The following GALNT16 variants were observed in gnomAD, a reference collection of about 807,000 sequenced individuals.
GALNT16 encodes UDP-GalNAc:polypeptide N-acetylgalactosaminyltransferase-like protein 1.
Under a neutral mutation model 76.1 loss-of-function variants are expected in GALNT16, and 40 were observed. The ratio of observed to expected loss-of-function variants is 0.53; its 90% confidence interval spans 0.41 to 0.68. The LOEUF is 0.68. Ranked by LOEUF, GALNT16 falls within the 30% of genes least tolerant of loss-of-function variation. The pLI is 0.00. For synonymous variants in GALNT16, 276 were observed against 285.2 expected (o/e 0.97, Z 0.32); for missense variants, 621 against 731.9 (o/e 0.85, Z 1.75).
chr14:69,319,948 A>G (rs1857993769), intron 1 of GALNT16, among the ~76,000 whole-genome samples: 1 of 152,204 alleles, frequency 6.6e-6, no homozygotes, highest in Non-Finnish European at 1.5e-5. Flanking sequence ...CGGGTGCCTC[A>G]TATAATGCCT....
intron 1 of GALNT16, among the ~76,000 whole-genome samples, chr14:69,276,051 G>C (rs542255715): frequency 3.9e-4 from 60 of 152,286 alleles, no homozygotes; most frequent in African/African-American, 1.4e-3. Flanking sequence ...ATCAGATCTC[G>C]TGAGACTTAT....
At chr14:69,295,283 C>T (rs953208560) in intron 1 of GALNT16, among the ~76,000 whole-genome samples, 6 of 151,456 alleles carry the variant, frequency 4.0e-5, no homozygotes, top group Admixed American at 2.6e-4. Flanking sequence ...GGTGTGGTGG[C>T]GCATGCCTAT....
At chr14:69,347,778 T>C (rs1444633785) in intron 13 of GALNT16, 99 bp from the exon 14 acceptor site, 1 of 1,276,476 alleles carries the variant, frequency 7.8e-7, no homozygotes, top group East Asian at 2.3e-5. Context: ...GTAGAAATCT[T>C]ACAAAAATAT....
the GALNT16 span, among the ~76,000 whole-genome samples, chr14:69,374,272 T>A: frequency 6.6e-6 from 1 of 152,172 alleles, no homozygotes; most frequent in Non-Finnish European, 1.5e-5. Flanking sequence ...TACTTATGAT[T>A]CCTTGTCCAC....
Position 69,324,729 on chromosome 14 carries a change from A to G in GALNT16, c.373A>G (p.Thr125Ala), listed in dbSNP as rs1241586179. 1.9e-6 allele frequency: 3 copies of G among 1,612,956 alleles called. No individual in the cohort carries two copies. The highest frequency in any genetic ancestry group is 2.5e-6 in the Non-Finnish European group (3 of 1,179,406). ...SVSYSSDLPA[T>A]SVIITFHNEA... is the part of the protein sequence containing the mutation. ...GTCCTACTCCTCGGACCTGCCAGCC[A>G]CCAGCGTCATCATCACCTTCCACAA... The change falls in exon 3 of 15, where the codon ACC becomes GCC. Residue 125 changes from threonine (T) to alanine (A), a missense_variant. Coordinates refer to ENST00000448469, the MANE Select transcript of GALNT16 (RefSeq NM_001168368.2).
intron 1 of GALNT16, among the ~76,000 whole-genome samples, chr14:69,303,424 A>G (rs529513283): frequency 4.6e-5 from 7 of 152,172 alleles, no homozygotes; most frequent in Non-Finnish European, 7.3e-5. Flanking sequence ...GTCAGCTCCA[A>G]TCATGTGTTG....
At chr14:69,293,048 C>T (rs1036388039) in intron 1 of GALNT16, among the ~76,000 whole-genome samples, 1 of 151,754 alleles carries the variant, frequency 6.6e-6, no homozygotes, top group Non-Finnish European at 1.5e-5. Flanking sequence ...GCACATATTA[C>T]ATTATGTCCT....
intron 14 of GALNT16, chr14:69,350,579 C>G (rs2045623097): frequency 6.6e-6 from 1 of 152,410 alleles, no homozygotes; most frequent in South Asian, 2.1e-4. Context: ...TCAGCCCTAC[C>G]CATCACGTCC....
At chr14:69,293,898 T>C (rs1005058217) in intron 1 of GALNT16, among the ~76,000 whole-genome samples, 1 of 139,260 alleles carries the variant, frequency 7.2e-6, no homozygotes. Flanking sequence ...AACCCATACT[T>C]TTTTTTTTTT....
upstream of GALNT16, chr14:69,260,134 T>C: frequency 6.4e-6 from 1 of 156,616 alleles, no homozygotes; most frequent in Non-Finnish European, 1.4e-5. Flanking sequence ...TCTCTCCCTA[T>C]CACCCCCCCG....
At chr14:69,271,257 C>T (rs1329451094) in intron 1 of GALNT16, among the ~76,000 whole-genome samples, 1 of 152,162 alleles carries the variant, frequency 6.6e-6, no homozygotes, top group Non-Finnish European at 1.5e-5. Context: ...TGAACCACAC[C>T]GGGGCCGGGG....
At chr14:69,317,770 A>G (rs1259665194) in intron 1 of GALNT16, among the ~76,000 whole-genome samples, 1 of 152,166 alleles carries the variant, frequency 6.6e-6, no homozygotes, top group East Asian at 1.9e-4. Flanking sequence ...TTGTTTTGAG[A>G]TGCCAAGTTA....
Position 69,333,085 on chromosome 14 carries a change from G to A in GALNT16, c.779G>A (p.Gly260Glu). ...GTCCTCACCTTGCTGTGTCCCTTAG[G>A]GTTCGACTGGAGCCTGCATTTCAAG... The part of the protein sequence containing the change: ...YLAASADLRG[G>E]FDWSLHFKWE... Residue 260 changes from glycine to glutamate, a missense_variant and splice_region_variant, in exon 8 of 15, where the codon GGG becomes GAG. Physicochemically the swap from Gly to Glu is moderately conservative, Grantham distance 98 (BLOSUM62 -2). Coordinates refer to ENST00000448469, the MANE Select transcript of GALNT16 (RefSeq NM_001168368.2). This position sits in a 1 kb window ranked among gnomAD's most constrained non-coding sequence, Gnocchi z 4.2. 5 of 1,611,782 alleles carry A rather than the reference G, an allele frequency of 3.1e-6. No homozygotes were observed. Among genetic ancestry groups the A allele is most frequent in the South Asian group, 1.1e-5 (1 of 91,028 alleles).
intron 1 of GALNT16, among the ~76,000 whole-genome samples, chr14:69,268,952 A>G (rs1938725911): frequency 6.6e-6 from 1 of 152,186 alleles, no homozygotes; most frequent in African/African-American, 2.4e-5. Context: ...CAGAGGCCAG[A>G]CACGTTAGGC....
chr14:69,324,661 G>A (rs759098918), intron 2 of GALNT16, 31 bp from the exon 3 acceptor site: 11 of 1,314,694 alleles, frequency 8.4e-6, no homozygotes, highest in Admixed American at 5.6e-5. Flanking sequence ...TGCCCTCATG[G>A]CTGGCTCTGA....
At chr14:69,375,017 A>G in the GALNT16 span, among the ~76,000 whole-genome samples, 2 of 152,182 alleles carry the variant, frequency 1.3e-5, no homozygotes, top group African/African-American at 2.4e-5. Context: ...TACTTCCAAC[A>G]CTGTTGAATT....
At chr14:69,307,589 C>T (rs939055311) in intron 1 of GALNT16, among the ~76,000 whole-genome samples, 4 of 152,130 alleles carry the variant, frequency 2.6e-5, no homozygotes, top group Non-Finnish European at 4.4e-5. Context: ...TCCGCAGCTA[C>T]GGAAACTGCT....
chr14:69,267,755 T>C (rs1457929110), intron 1 of GALNT16, among the ~76,000 whole-genome samples: 1 of 152,096 alleles, frequency 6.6e-6, no homozygotes, highest in Admixed American at 6.5e-5. Flanking sequence ...AGGGACTGTG[T>C]TTCCTTAGGT....
At chr14:69,324,173 C>T (rs1424823093) in intron 2 of GALNT16, among the ~76,000 whole-genome samples, 1 of 151,992 alleles carries the variant, frequency 6.6e-6, no homozygotes, top group Non-Finnish European at 1.5e-5. Flanking sequence ...TTGTCTGCAG[C>T]AGGGCTGTCA....
Sources: gnomAD v4.1 joint callset for allele counts (sites outside exome capture counted in the v4.1 genomes callset) on GRCh38, gnomAD v4.1.1 for gene constraint, Gnocchi (gnomAD v3.1) non-coding constraint, MANE v1.5 for transcripts, NCBI Gene and HGNC (gene_info 2026-07-23, HGNC 2026-07-21) for gene names.